DIP2B: variants seen among roughly 807,000 people sequenced by gnomAD.
DIP2B encodes disco-interacting protein 2 homolog B.
A neutral mutation model predicts 198.0 loss-of-function variants in DIP2B; 76 were observed. The ratio of observed to expected loss-of-function variants is 0.38; its 90% CI spans 0.32 to 0.46. DIP2B has a LOEUF of 0.46. Among genes scored for constraint, DIP2B ranks in the 20% least tolerant of loss-of-function variants. The pLI is 0.99. For synonymous variants in DIP2B, 701 were observed against 739.1 expected, an observed-to-expected ratio of 0.95 and a Z score of 0.84; for missense variants, 1,559 against 1,978.4, an observed-to-expected ratio of 0.79 and a Z score of 4.02.
At chr12:50,531,706 G>C (rs1958218590) in intron 1 of DIP2B, among the ~76,000 whole-genome samples, 1 of 152,132 alleles carries the variant, frequency 6.6e-6, no homozygotes, top group East Asian at 1.9e-4. Context: ...GGGGTACCCT[G>C]CTGTTTCAAG....
At chr12:50,637,735 C>T (rs1287574262) in intron 2 of DIP2B, among the ~76,000 whole-genome samples, 3 of 152,166 alleles carry the variant, frequency 2.0e-5, no homozygotes. Context: ...GTTCTCAGAG[C>T]CCATCCTGTT....
intron 35 of DIP2B, among the ~76,000 whole-genome samples, chr12:50,738,714 A>G (rs1458015342): frequency 6.6e-6 from 1 of 152,106 alleles, no homozygotes; most frequent in Non-Finnish European, 1.5e-5. Flanking sequence ...TCCTGGCCTC[A>G]AGTGATCCAC....
At chr12:50,634,872 A>G (rs1938128564) in intron 2 of DIP2B, among the ~76,000 whole-genome samples, 1 of 152,200 alleles carries the variant, frequency 6.6e-6, no homozygotes. Flanking sequence ...CATTTTCTTG[A>G]GTAAACATCT....
intron 1 of DIP2B, among the ~76,000 whole-genome samples, chr12:50,582,102 G>T (rs1291931116): frequency 6.8e-6 from 1 of 147,928 alleles, no homozygotes; most frequent in Non-Finnish European, 1.5e-5. Context: ...TAGATGAAGT[G>T]AATTTTGTTT....
chr12:50,626,689 T>C (rs1937941655), intron 2 of DIP2B, among the ~76,000 whole-genome samples: 1 of 152,132 alleles, frequency 6.6e-6, no homozygotes, highest in African/African-American at 2.4e-5. Context: ...ACTTTTACTA[T>C]AGGGTGTTTT....
At chr12:50,582,213 G>T (rs569687442) in intron 1 of DIP2B, among the ~76,000 whole-genome samples, 11 of 132,200 alleles carry the variant, frequency 8.3e-5, no homozygotes, top group African/African-American at 3.2e-4. Flanking sequence ...GTTCAATGGT[G>T]CGATCTCAGC....
chr12:50,699,097 T>G lies in DIP2B; in HGVS notation c.2220T>G (p.Pro740=). The change falls in exon 19 of 38, where the codon CCT becomes CCG. Residue 740 remains proline (P), a synonymous_variant. Transcript: ENST00000301180. The part of the protein sequence containing the change: ...GMMCIVKPDG[P]PQLCKTDEIG... Reference sequence around the variant, plus strand: ...TGTGCATTGTGAAACCAGATGGACCTCCCCAGCTCTGCAAAACAGATGAAA... The same window carrying G: ...TGTGCATTGTGAAACCAGATGGACCGCCCCAGCTCTGCAAAACAGATGAAA... 1 of 1,614,176 alleles carries G rather than the reference T, an allele frequency of 6.2e-7. No individual in the cohort carries two copies. The highest frequency in any genetic ancestry group is 8.5e-7 in the Non-Finnish European group (1 of 1,180,002).
intron 1 of DIP2B, among the ~76,000 whole-genome samples, chr12:50,606,855 A>G (rs1958986408): frequency 6.6e-6 from 1 of 150,696 alleles, no homozygotes; most frequent in South Asian, 2.1e-4. Context: ...CACCTGGGCT[A>G]AAGTTCAGTG....
At chr12:50,621,865 C>T (rs1328841746) in intron 1 of DIP2B, among the ~76,000 whole-genome samples, 2 of 152,172 alleles carry the variant, frequency 1.3e-5, no homozygotes, top group African/African-American at 2.4e-5. Flanking sequence ...TTTCTTTGCT[C>T]GTTTGTGGAT....
chr12:50,575,995 T>TGG (rs1958656529), intron 1 of DIP2B, among the ~76,000 whole-genome samples: 1 of 152,038 alleles, frequency 6.6e-6, no homozygotes, highest in South Asian at 2.1e-4. Flanking sequence ...TGACCTTAGA[T>TGG]GATCTGCCTG....
chr12:50,643,554 A>G (rs1384204410), intron 3 of DIP2B, among the ~76,000 whole-genome samples: 1 of 152,046 alleles, frequency 6.6e-6, no homozygotes, highest in Non-Finnish European at 1.5e-5. Context: ...GGGTCCTGCA[A>G]TCCTATCAGG....
At chr12:50,686,869 G>T in intron 12 of DIP2B, 187 bp downstream of exon 12, 1 of 492,788 alleles carries the variant, frequency 2.0e-6, no homozygotes, top group South Asian at 3.8e-5. Context: ...TTGATCATAA[G>T]TATACATTCA....
intron 35 of DIP2B, 149 bp from the exon 36 acceptor site, chr12:50,739,260 C>A: frequency 1.4e-6 from 1 of 720,004 alleles, no homozygotes; most frequent in Non-Finnish European, 2.2e-6. Context: ...ACATGATGAG[C>A]ACGTGGTAAA....
intron 1 of DIP2B, among the ~76,000 whole-genome samples, chr12:50,617,159 CTTTT>C (rs63059261): frequency 1.4e-5 from 2 of 142,768 alleles, no homozygotes; most frequent in Admixed American, 6.9e-5. Context: ...GATCTTTTTG[CTTTT>C]TTTTTTTTTT....
At chr12:50,580,053 C>T (rs1958710464) in intron 1 of DIP2B, among the ~76,000 whole-genome samples, 2 of 147,504 alleles carry the variant, frequency 1.4e-5, no homozygotes. Flanking sequence ...CAGGGAAGGG[C>T]CAACCTTGCT....
intron 13 of DIP2B, among the ~76,000 whole-genome samples, chr12:50,691,447 G>C (rs1421858829): frequency 6.6e-6 from 1 of 152,256 alleles, no homozygotes; most frequent in East Asian, 1.9e-4. Flanking sequence ...ATCTTCCCCT[G>C]CCTGTATAGT....
intron 1 of DIP2B, among the ~76,000 whole-genome samples, chr12:50,582,205 T>A (rs1958732075): frequency 7.0e-6 from 1 of 143,250 alleles, no homozygotes; most frequent in Non-Finnish European, 1.5e-5. Flanking sequence ...AGGCTGGGGT[T>A]CAATGGTGCG....
chr12:50,600,940 T>TACC (rs1246327101), intron 1 of DIP2B, among the ~76,000 whole-genome samples: 5 of 47,184 alleles, frequency 1.1e-4, no homozygotes, highest in East Asian at 8.6e-4. Flanking sequence ...CCACCACCAC[T>TACC]ACCACCACCA....
chr12:50,737,706 CT>C (rs1381641280), intron 35 of DIP2B, among the ~76,000 whole-genome samples: 1 of 152,114 alleles, frequency 6.6e-6, no homozygotes, highest in Non-Finnish European at 1.5e-5. Context: ...GTGCCTCGGC[CT>C]TCCCAAGTAG....
Sources: gnomAD v4.1 joint callset for allele counts (sites outside exome capture counted in the v4.1 genomes callset) on GRCh38, gnomAD v4.1.1 for gene constraint, MANE v1.5 for transcripts, NCBI Gene and HGNC (gene_info 2026-07-23, HGNC 2026-07-21) for gene names.